Variants in NAALAD2 observed in about 807,000 individuals in gnomAD.
NAALAD2 encodes N-acetylated alpha-linked acidic dipeptidase 2.
In NAALAD2, 89 loss-of-function variants were observed where a neutral mutation model predicts 95.6. The observed-to-expected ratio is 0.93, with a 90% CI of 0.78 to 1.11. The LOEUF (loss-of-function observed/expected upper bound fraction) is 1.11. Ranked by LOEUF, NAALAD2 falls within the 50% of genes least tolerant of loss-of-function variation. The pLI is 0.00. For synonymous variants in NAALAD2, 264 were observed against 294.4 expected (o/e 0.90, Z 1.06); for missense variants, 894 against 872.4 (o/e 1.02, Z -0.31).
At chr11:90,149,956 G>A (rs1951844690) in intron 4 of NAALAD2, among the ~76,000 whole-genome samples, 1 of 152,052 alleles carries the variant, frequency 6.6e-6, no homozygotes, top group South Asian at 2.1e-4. Context: ...AGGACATGCT[G>A]TTTAGATATG....
rs775818957 is a variant in NAALAD2, at chr11:90,182,962, A to G, written c.1987A>G (p.Arg663Gly). The G allele has an allele frequency of 2.5e-6, 4 of 1,612,754 alleles. No individual in the cohort carries two copies. Among genetic ancestry groups the G allele is most frequent in the South Asian group, 2.2e-5 (2 of 90,956 alleles). Residue 663 changes from arginine to glycine, a missense_variant, in exon 18 of 19, where the codon AGA becomes GGA. Arg to Gly is a moderately radical substitution (Grantham distance 125). Coordinates refer to ENST00000534061, the MANE Select transcript of NAALAD2 (RefSeq NM_005467.4). ...MMNDQLMLLE[R>G]AFIDPLGLPG... ...GAATGACCAACTGATGCTCCTGGAAAGAGCATTCATCGATCCTCTTGGTTT... is the reference window on the plus strand; with the variant it reads ...GAATGACCAACTGATGCTCCTGGAAGGAGCATTCATCGATCCTCTTGGTTT...
Position 90,178,136 on chromosome 11 carries a change from G to A in NAALAD2, c.1858+19G>A, listed in dbSNP as rs1952857724. 1.3e-6 allele frequency: 2 copies of A among 1,595,604 alleles called. No individual in the cohort carries two copies. Among genetic ancestry groups the A allele is most frequent in the Admixed American group, 3.5e-5 (2 of 56,882 alleles). On this transcript the variant is annotated intron_variant, in intron 16 of 18. Transcript: ENST00000534061. Reference sequence around the variant, plus strand: ...TCATTTGGTAAGAAATAGTTGGGCAGATATTTTACAGTCTTTAAGTTAGAG... The same window carrying A: ...TCATTTGGTAAGAAATAGTTGGGCAAATATTTTACAGTCTTTAAGTTAGAG...
chr11:90,183,910 T>A (rs1436067463), intron 18 of NAALAD2, among the ~76,000 whole-genome samples: 1 of 152,170 alleles, frequency 6.6e-6, no homozygotes. Context: ...GAAGCCTCTG[T>A]ATCCTATTTT....
Position 90,182,840 on chromosome 11 carries a change from T to G in NAALAD2, c.1941-76T>G, listed in dbSNP as rs535928356. 3.0e-4 allele frequency: 304 copies of G among 1,000,098 alleles called. No homozygotes were observed. The African/African-American group carries it at 4.6e-3, about 15-fold the overall frequency. 62.0% of individuals were successfully genotyped at this position (1,000,098 alleles called of 1,614,324 possible). A position where few individuals can be genotyped will look rare whatever the true frequency, so the allele number is the denominator to read the frequency against. ...TTTTAGAAATATATTTTCCCAAGCC[T>G]TGTTTTTATTTAATATTATTTTTGA... On this transcript the variant is annotated intron_variant, in intron 17 of 18. Coordinates refer to ENST00000534061, the MANE Select transcript of NAALAD2 (RefSeq NM_005467.4).
intron 6 of NAALAD2, among the ~76,000 whole-genome samples, chr11:90,154,147 G>C (rs1367984357): frequency 1.4e-5 from 2 of 139,926 alleles, no homozygotes; most frequent in Non-Finnish European, 3.1e-5. Context: ...TTTCTTTTTT[G>C]TATATACATT....
upstream of NAALAD2, among the ~76,000 whole-genome samples, chr11:90,132,765 T>TTGGTGTTG (rs759673100): frequency 1.7e-4 from 26 of 152,142 alleles, no homozygotes; most frequent in Admixed American, 3.9e-4. Context: ...TTCCCTATAT[T>TTGGTGTTG]TGGTGTTGTG....
chr11:90,144,757 G>GAAAAAAAAAAAAAAAAAAAAAAAAA (rs1302696048), intron 2 of NAALAD2, among the ~76,000 whole-genome samples: 1 of 129,492 alleles, frequency 7.7e-6, no homozygotes. Context: ...AAAAAAAAAC[G>GAAAAAAAAAAAAAAAAAAAAAAAAA]GAAAAGAAAG....
intron 2 of NAALAD2, among the ~76,000 whole-genome samples, chr11:90,144,672 G>T: frequency 6.8e-6 from 1 of 147,590 alleles, no homozygotes; most frequent in African/African-American, 2.5e-5. Context: ...AACCTGGGAG[G>T]CGGAGGTTGC....
At position 90,162,872 on chromosome 11, in the gene NAALAD2, A is replaced by AG. The variant is rs1422274627; in HGVS notation, c.990-77_990-76insG. On this transcript the variant is annotated intron_variant, in intron 8 of 18. Transcript: ENST00000534061. ...TTTTCATAATAAAACACTATTATGA[A>AG]AATAGTTTTTTATAATAAAACACTG... is the stretch of plus-strand genomic sequence containing the variant. 7.6e-5 allele frequency: 62 copies of AG among 815,428 alleles called. 1 individual carries two copies. The African/African-American group carries it at 7.8e-4, about 10-fold the overall frequency. The allele number at this position is 815,428 out of a possible 1,614,324, so 50.5% of individuals were successfully genotyped here. A position where few individuals can be genotyped will look rare whatever the true frequency, so the allele number is the denominator to read the frequency against.
intron 6 of NAALAD2, among the ~76,000 whole-genome samples, chr11:90,155,380 T>TA (rs1952046535): frequency 1.1e-5 from 1 of 90,230 alleles, no homozygotes; most frequent in Non-Finnish European, 1.9e-5. Context: ...ATATTACATA[T>TA]TATACATGTA....
In NAALAD2 at chr11:90,147,382, G is replaced by T. The variant is rs1951772328; in HGVS notation, c.247G>T (p.Ala83Ser). 6.2e-7 allele frequency: 1 copy of T among 1,613,804 alleles called. No individual in the cohort carries two copies. Among genetic ancestry groups the T allele is most frequent in the African/African-American group, 1.3e-5 (1 of 74,880 alleles). ...LAGTEQNFLL[A>S]KKIQTQWKKF... The stretch of plus-strand genomic sequence containing the variant: ...AGGAACAGAACAAAATTTCTTGCTT[G>T]CCAAGAAAATCCAAACCCAGTGGAA... Residue 83 changes from alanine to serine, a missense_variant, in exon 3 of 19, where the codon GCC (alanine) becomes TCC (serine). Transcript: ENST00000534061.
At chr11:90,135,001 G>A in intron 1 of NAALAD2, 161 bp downstream of exon 1, 1 of 673,714 alleles carries the variant, frequency 1.5e-6, no homozygotes, top group Non-Finnish European at 2.5e-6. Flanking sequence ...CTAGAAACCA[G>A]ATGGAATGTA....
At position 90,191,624 on chromosome 11, in the gene NAALAD2, T is replaced by G; in HGVS notation, c.2100T>G (p.Asp700Glu). 6.2e-7 allele frequency: 1 copy of G among 1,606,928 alleles called. No homozygotes were observed. The highest frequency in any genetic ancestry group is 1.3e-5 in the African/African-American group (1 of 74,802). Residue 700 changes from aspartate to glutamate, a missense_variant, in exon 19 of 19, where the codon GAT becomes GAG. Transcript: ENST00000534061. ...YAGESFPGIY[D>E]AIFDIENKAN... ...GAGAATCATTTCCTGGAATCTATGATGCTATCTTTGATATTGAAAATAAAG... is the reference window on the plus strand; with the variant it reads ...GAGAATCATTTCCTGGAATCTATGAGGCTATCTTTGATATTGAAAATAAAG...
At chr11:90,174,359 A>G (rs1591014431) in intron 14 of NAALAD2, among the ~76,000 whole-genome samples, 1 of 152,032 alleles carries the variant, frequency 6.6e-6, no homozygotes, top group East Asian at 1.9e-4. Context: ...GAATTCTTCT[A>G]TCCAGTTTTG....
chr11:90,171,990 G>GA lies in NAALAD2; in HGVS notation c.1411-1831dup, dbSNP rs1478335699. The stretch of plus-strand genomic sequence containing the variant: ...AGCCATAGAAATCCTGACAAAAAAA[G>GA]AAAGAAAAGAAAAAAGAAAGAAAGA... On this transcript the variant is annotated intron_variant, in intron 13 of 18. Transcript: ENST00000534061. 8.5e-5 allele frequency among the ~76,000 whole-genome samples: 9 copies of GA among 106,476 alleles called. No individual in the cohort carries two copies. The East Asian group carries it at 1.8e-3, about 21-fold the overall frequency. The allele number at this position is 106,476 out of a possible 152,430, so 69.9% of individuals were successfully genotyped here.
intron 4 of NAALAD2, among the ~76,000 whole-genome samples, chr11:90,150,003 G>T (rs1565516880): frequency 6.6e-6 from 1 of 152,154 alleles, no homozygotes; most frequent in African/African-American, 2.4e-5. Context: ...TGTAATCCCA[G>T]CACTTTAGGA....
rs1281254693 is a variant in NAALAD2 at position 90,158,849 on chromosome 11, C to G, written c.891-390C>G. The G allele has an allele frequency of 1.4e-5, 3 of 207,124 alleles. No homozygotes were observed. In the East Asian group the frequency reaches 4.7e-4, roughly 32 times the overall value. 12.8% of individuals were successfully genotyped at this position (207,124 alleles called of 1,614,324 possible). On this transcript the variant is annotated intron_variant, in intron 7 of 18. Coordinates refer to ENST00000534061, the MANE Select transcript of NAALAD2 (RefSeq NM_005467.4). ...AACTTAATAATTGTTTGGGTGCCTA[C>G]TGTGTAATCAGCAGCTTTTTTACAA...
At chr11:90,178,287 A>G (rs1952862076) in intron 16 of NAALAD2, among the ~76,000 whole-genome samples, 170 bp downstream of exon 16, 1 of 152,216 alleles carries the variant, frequency 6.6e-6, no homozygotes, top group African/African-American at 2.4e-5. Context: ...ATCTGATTTA[A>G]TCTGGCATGT....
At chr11:90,134,944 CT>C in intron 1 of NAALAD2, 104 bp downstream of exon 1, 1 of 1,281,856 alleles carries the variant, frequency 7.8e-7, no homozygotes, top group Non-Finnish European at 1.1e-6. Context: ...TGCGCTAGCC[CT>C]GGCCGGCTGG....
Sources: allele counts gnomAD v4.1 joint callset (sites outside exome capture counted in the v4.1 genomes callset), GRCh38; gene constraint gnomAD v4.1.1; transcripts MANE v1.5; gene names NCBI Gene and HGNC (gene_info 2026-07-23, HGNC 2026-07-21).